Variants in LRRC37A2 observed in about 807,000 individuals in gnomAD.
The protein encoded by LRRC37A2 is leucine-rich repeat-containing protein 37A2.
Under a neutral mutation model 68.8 loss-of-function variants are expected in LRRC37A2, and 9 were observed. That is an observed-to-expected ratio of 0.13 (90% CI 0.08 to 0.23). The LOEUF is 0.23. Among genes scored for constraint, LRRC37A2 ranks in the 10% least tolerant of loss-of-function variants. The probability of loss-of-function intolerance (pLI) is 1.00; values close to 1 mark genes in which losing one functional copy is unlikely to be tolerated. For missense variants in LRRC37A2, 168 were observed against 950.4 expected, an observed-to-expected ratio of 0.18 and a Z score of 10.82; for synonymous variants, 63 against 367.6, an observed-to-expected ratio of 0.17 and a Z score of 9.48.
chr17:47,022,420 T>C, the LRRC37A2 span, among the ~76,000 whole-genome samples: 1 of 150,422 alleles, frequency 6.6e-6, no homozygotes, highest in Non-Finnish European at 1.5e-5. Context: ...TCCTCCCACC[T>C]TGGCCTCTTA....
the LRRC37A2 span, among the ~76,000 whole-genome samples, chr17:46,811,333 G>T: frequency 5.3e-5 from 8 of 152,128 alleles, no homozygotes; most frequent in Non-Finnish European, 1.2e-4. Context: ...AACAGAATGG[G>T]GGCTCCTGTC....
At chr17:46,795,655 A>G in the LRRC37A2 span, among the ~76,000 whole-genome samples, 2 of 152,196 alleles carry the variant, frequency 1.3e-5, no homozygotes, top group Non-Finnish European at 2.9e-5. Context: ...GTGGGTGACG[A>G]CACCAAGCCC....
the LRRC37A2 span, among the ~76,000 whole-genome samples, chr17:46,781,294 T>C: frequency 6.7e-6 from 1 of 149,924 alleles, no homozygotes; most frequent in Non-Finnish European, 1.5e-5. Context: ...TAGAGGAAAC[T>C]TGAAAACAAG....
At chr17:46,853,124 T>A in the LRRC37A2 span, among the ~76,000 whole-genome samples, 1 of 152,152 alleles carries the variant, frequency 6.6e-6, no homozygotes, top group Non-Finnish European at 1.5e-5. Context: ...CTTGAAGGAA[T>A]GGTTGTTCCC....
chr17:46,790,361 C>G, the LRRC37A2 span, among the ~76,000 whole-genome samples: 1 of 152,078 alleles, frequency 6.6e-6, no homozygotes, highest in Non-Finnish European at 1.5e-5. Flanking sequence ...AGTAAGTGGC[C>G]CTGCTGAGCT....
chr17:46,716,815 C>T, the LRRC37A2 span, among the ~76,000 whole-genome samples: 2 of 152,152 alleles, frequency 1.3e-5, no homozygotes. Context: ...AACACATATA[C>T]CCCCTCCCTT....
At chr17:46,539,461 T>TA (rs2054867471) in intron 6 of LRRC37A2, among the ~76,000 whole-genome samples, 1 of 150,562 alleles carries the variant, frequency 6.6e-6, no homozygotes, top group African/African-American at 2.5e-5. Context: ...TTAAAAACTT[T>TA]ATAAAGATAA....
At chr17:46,613,221 T>C in the LRRC37A2 span, among the ~76,000 whole-genome samples, 1 of 19,044 alleles carries the variant, frequency 5.3e-5, no homozygotes, top group Non-Finnish European at 1.7e-4. Flanking sequence ...GAGGTTACAG[T>C]GAGCTGTGAT....
the LRRC37A2 span, among the ~76,000 whole-genome samples, chr17:46,903,564 T>C: frequency 2.0e-5 from 3 of 152,266 alleles, no homozygotes; most frequent in East Asian, 1.9e-4. Flanking sequence ...TGTATCCTGA[T>C]TGATGCTGTC....
chr17:46,818,603 G>A, the LRRC37A2 span: 1 of 1,591,168 alleles, frequency 6.3e-7, no homozygotes, highest in Non-Finnish European at 8.6e-7. Flanking sequence ...TCCATTAGAA[G>A]AGGCGCCGAG....
At chr17:46,945,739 G>A in the LRRC37A2 span, among the ~76,000 whole-genome samples, 9 of 152,144 alleles carry the variant, frequency 5.9e-5, no homozygotes, top group African/African-American at 1.9e-4. Context: ...TGTGCCCCAG[G>A]CATGTGCAGG....
the LRRC37A2 span, chr17:46,875,446 C>A: frequency 1.4e-6 from 2 of 1,456,918 alleles, no homozygotes. Context: ...GAGGCCAGCA[C>A]CCCACTCCCC....
the LRRC37A2 span, among the ~76,000 whole-genome samples, chr17:46,909,041 A>G: frequency 6.6e-6 from 1 of 152,166 alleles, no homozygotes; most frequent in African/African-American, 2.4e-5. Context: ...AAAGGTTACA[A>G]TCCAGACCAG....
chr17:46,851,368 C>T, the LRRC37A2 span, among the ~76,000 whole-genome samples: 1 of 150,726 alleles, frequency 6.6e-6, no homozygotes, highest in African/African-American at 2.4e-5. This position sits in a 1 kb window ranked among gnomAD's most constrained non-coding sequence, Gnocchi z 4.3. Flanking sequence ...GCCAGGTGAG[C>T]GCTCACCTGG....
the LRRC37A2 span, chr17:46,722,121 G>A: frequency 1.8e-5 from 29 of 1,611,732 alleles, no homozygotes; most frequent in Non-Finnish European, 2.1e-5. Context: ...GAACTCGTCC[G>A]GCTTCTCGCC....
the LRRC37A2 span, among the ~76,000 whole-genome samples, chr17:46,975,892 A>AAAGC: frequency 6.6e-6 from 1 of 151,344 alleles, no homozygotes; most frequent in Non-Finnish European, 1.5e-5. Flanking sequence ...GAAGAAAGAT[A>AAAGC]AAGGAAGGAA....
chr17:46,499,335 A>AAG, the LRRC37A2 span, among the ~76,000 whole-genome samples: 18 of 88,094 alleles, frequency 2.0e-4, no homozygotes, highest in Admixed American at 3.6e-4. Context: ...AAAAAAAAAA[A>AAG]GGTGGGGGGA....
At chr17:46,909,934 T>G in the LRRC37A2 span, 2 of 152,584 alleles carry the variant, frequency 1.3e-5, no homozygotes, top group Admixed American at 1.3e-4. Context: ...CTCCTCCTCC[T>G]GGCAGGCTGA....
chr17:46,711,132 G>A, the LRRC37A2 span: 1 of 1,490,896 alleles, frequency 6.7e-7, no homozygotes, highest in Non-Finnish European at 8.9e-7. Flanking sequence ...GAGAATGAAT[G>A]AGGAGATGGC....
Sources: gnomAD v4.1 joint callset for allele counts (sites outside exome capture counted in the v4.1 genomes callset) on GRCh38, gnomAD v4.1.1 for gene constraint, Gnocchi (gnomAD v3.1) non-coding constraint, MANE v1.5 for transcripts, NCBI Gene and HGNC (gene_info 2026-07-23, HGNC 2026-07-21) for gene names.